The following ELMO1 variants were observed in gnomAD, a reference collection of about 807,000 sequenced individuals.
ELMO1 encodes the protein engulfment and cell motility protein 1.
ELMO1 carries 26 observed loss-of-function variants against 98.9 expected under a neutral mutation model. The ratio of observed to expected loss-of-function variants is 0.26; its 90% CI spans 0.19 to 0.36. The LOEUF is 0.36. Ranked by LOEUF, ELMO1 falls within the 10% of genes least tolerant of loss-of-function variation. ELMO1 has a pLI of 1.00. For synonymous variants in ELMO1, 346 were observed against 346.0 expected, an observed-to-expected ratio of 1.00 and a Z score of 0.00; for missense variants, 627 against 935.2, an observed-to-expected ratio of 0.67 and a Z score of 4.30.
intron 14 of ELMO1, 85 bp downstream of exon 14, chr7:37,133,045 T>TA: frequency 3.0e-6 from 3 of 1,006,350 alleles, no homozygotes; most frequent in Non-Finnish European, 4.2e-6. Context: ...GTCACTCATC[T>TA]AAAGGTAATC....
At chr7:37,255,890 G>A (rs1325663011) in intron 6 of ELMO1, among the ~76,000 whole-genome samples, 2 of 152,106 alleles carry the variant, frequency 1.3e-5, no homozygotes, top group Non-Finnish European at 2.9e-5. Context: ...TCTCTCACCA[G>A]AAGCCGTGGG....
At chr7:36,919,243 T>C in intron 16 of ELMO1, 3 of 371,228 alleles carry the variant, frequency 8.1e-6, no homozygotes, top group Non-Finnish European at 1.8e-5. Flanking sequence ...ATTTGGTTAA[T>C]AGTGACTAGG....
At chr7:37,091,921 C>T (rs1168521227) in intron 15 of ELMO1, among the ~76,000 whole-genome samples, 1 of 152,122 alleles carries the variant, frequency 6.6e-6, no homozygotes, top group Admixed American at 6.6e-5. Context: ...GGGGAAACCA[C>T]ACTTACGATT....
chr7:37,192,100 T>G (rs1464604463), intron 13 of ELMO1, among the ~76,000 whole-genome samples: 1 of 152,244 alleles, frequency 6.6e-6, no homozygotes, highest in Admixed American at 6.5e-5. Flanking sequence ...GGTGGGACTA[T>G]GAGTGATTTC....
intron 13 of ELMO1, among the ~76,000 whole-genome samples, chr7:37,143,255 G>A (rs1452186027): frequency 6.6e-6 from 1 of 151,716 alleles, no homozygotes. Flanking sequence ...AGCCAGTTAT[G>A]TGGCAAAGCC....
intron 12 of ELMO1, 57 bp downstream of exon 12, chr7:37,213,278 T>A (rs1336381243): frequency 1.9e-6 from 3 of 1,580,798 alleles, no homozygotes; most frequent in Non-Finnish European, 2.6e-6. Context: ...AAGAAAAGAC[T>A]TTTAATGACA....
intron 8 of ELMO1, among the ~76,000 whole-genome samples, chr7:37,227,896 T>C (rs535262230): frequency 5.9e-5 from 9 of 152,356 alleles, no homozygotes; most frequent in Admixed American, 5.9e-4. Context: ...AATCCCTTAC[T>C]TTCATGAAAG....
chr7:37,235,802 G>A (rs1228152944), intron 7 of ELMO1, among the ~76,000 whole-genome samples: 3 of 152,188 alleles, frequency 2.0e-5, no homozygotes, highest in Non-Finnish European at 2.9e-5. Flanking sequence ...TCATGGTGGC[G>A]GGCGCCTGTA....
At chr7:37,385,922 A>C (rs1464476557) in intron 1 of ELMO1, among the ~76,000 whole-genome samples, 4 of 152,188 alleles carry the variant, frequency 2.6e-5, no homozygotes, top group Non-Finnish European at 5.9e-5. Context: ...AGGAAGTCCT[A>C]GTGTTACGTG....
chr7:37,414,112 T>C (rs1485002443), intron 1 of ELMO1, among the ~76,000 whole-genome samples: 1 of 131,276 alleles, frequency 7.6e-6, no homozygotes. Flanking sequence ...ATCAAAATAA[T>C]ATTGAGTGAA....
chr7:37,224,824 C>A (rs1402961052), intron 9 of ELMO1, 55 bp downstream of exon 9: 1 of 1,598,040 alleles, frequency 6.3e-7, no homozygotes, highest in African/African-American at 1.3e-5. Flanking sequence ...CAGTGCATTA[C>A]CGTGGCCATC....
At chr7:36,900,693 T>A (rs1195495768) in intron 16 of ELMO1, among the ~76,000 whole-genome samples, 1 of 152,056 alleles carries the variant, frequency 6.6e-6, no homozygotes, top group African/African-American at 2.4e-5. Context: ...GGTCAATACT[T>A]ACAAAAAAAG....
At chr7:37,080,498 C>T (rs904897356) in intron 15 of ELMO1, among the ~76,000 whole-genome samples, 7 of 147,834 alleles carry the variant, frequency 4.7e-5, no homozygotes, top group African/African-American at 1.3e-4. Context: ...AGTGCAGCGG[C>T]GTGATCTCAG....
chr7:36,953,839 T>TTGTG (rs10522376), intron 16 of ELMO1, among the ~76,000 whole-genome samples: 1,733 of 136,156 alleles, frequency 0.013, 33 homozygotes, highest in Non-Finnish European at 0.018. Flanking sequence ...TGGGTATGTT[T>TTGTG]TGTGTGTGTG....
intron 1 of ELMO1, among the ~76,000 whole-genome samples, chr7:37,387,647 T>A (rs1257178707): frequency 6.6e-6 from 1 of 152,164 alleles, no homozygotes; most frequent in Non-Finnish European, 1.5e-5. Context: ...AGCCAAACTT[T>A]GAGGCAGTGT....
At chr7:36,916,856 C>T (rs963975041) in intron 16 of ELMO1, among the ~76,000 whole-genome samples, 2 of 152,212 alleles carry the variant, frequency 1.3e-5, no homozygotes, top group Non-Finnish European at 2.9e-5. Context: ...AAGGCAGAGA[C>T]ATCACAGAGG....
rs997281774 is a variant in ELMO1, at chr7:37,315,934, C to T, written c.105G>A (p.Lys35=). ...GTAACACTTACCCATCACAGACTTC[C>T]TTTATTATTGCAGACAGTGGTTTTT... The part of the protein sequence containing the change: ...DQKKPLSAII[K]EVCDGWSLAN... Residue 35 remains lysine, a synonymous_variant, in exon 3 of 22, where the codon AAG becomes AAA. Transcript: ENST00000310758. 1.0e-5 allele frequency: 16 copies of T among 1,602,398 alleles called. No homozygotes were observed. The African/African-American group carries it at 1.3e-4, about 13-fold the overall frequency.
At chr7:37,027,529 T>A (rs1794648185) in intron 15 of ELMO1, among the ~76,000 whole-genome samples, 1 of 152,226 alleles carries the variant, frequency 6.6e-6, no homozygotes, top group Non-Finnish European at 1.5e-5. Flanking sequence ...AAGGGAATGA[T>A]CCATTGATAG....
chr7:37,154,087 A>G (rs1188011714), intron 13 of ELMO1, among the ~76,000 whole-genome samples: 3 of 152,210 alleles, frequency 2.0e-5, no homozygotes, highest in African/African-American at 7.2e-5. Context: ...GTTAGAAGGA[A>G]AACTAACAAA....
Sources: gnomAD v4.1 joint callset for allele counts (sites outside exome capture counted in the v4.1 genomes callset) on GRCh38, gnomAD v4.1.1 for gene constraint, MANE v1.5 for transcripts, NCBI Gene and HGNC (gene_info 2026-07-23, HGNC 2026-07-21) for gene names.